ATP8A2: variants seen among roughly 807,000 people sequenced by gnomAD.
ATP8A2 encodes the protein phospholipid-transporting ATPase IB.
ATP8A2 carries 100 observed loss-of-function variants against 165.6 expected under a neutral mutation model. The ratio of observed to expected loss-of-function variants is 0.60; its 90% CI spans 0.51 to 0.71. The LOEUF (loss-of-function observed/expected upper bound fraction) is 0.71. Ranked by LOEUF, ATP8A2 falls within the 30% of genes least tolerant of loss-of-function variation. ATP8A2 has a pLI of 0.00. For missense variants in ATP8A2, 1,227 were observed against 1,479.5 expected (o/e 0.83, Z 2.80); for synonymous variants, 543 against 548.8 (o/e 0.99, Z 0.15).
At chr13:25,502,393 T>C (rs1018690445) in intron 2 of ATP8A2, among the ~76,000 whole-genome samples, 1 of 152,244 alleles carries the variant, frequency 6.6e-6, no homozygotes, top group African/African-American at 2.4e-5. Flanking sequence ...AAAATGAATT[T>C]ACTGTCAAGT....
At position 25,953,673 on chromosome 13, in the gene ATP8A2, G is replaced by A. The variant is rs967843416; in HGVS notation, c.3184-7902G>A. 6.6e-6 allele frequency among the ~76,000 whole-genome samples: 1 copy of A among 152,152 alleles called. No individual in the cohort carries two copies. The highest frequency in any genetic ancestry group is 1.5e-5 in the Non-Finnish European group (1 of 68,042). On this transcript the variant is annotated intron_variant, in intron 33 of 36. Transcript: ENST00000381655. The surrounding 1 kb of genome is among the most constrained non-coding windows in gnomAD (Gnocchi z 6.7). ...GAACCTGGTTCATCTCACTGGGACT[G>A]GTTAGATAGTGGGTGCAGCCCACGG...
chr13:26,006,806 G>A (rs1253311574), intron 35 of ATP8A2, among the ~76,000 whole-genome samples: 4 of 151,434 alleles, frequency 2.6e-5, no homozygotes, highest in East Asian at 1.9e-4. Context: ...CTATTAATGC[G>A]GTATATTATA....
At chr13:26,010,728 C>T (rs1454903559) in intron 35 of ATP8A2, among the ~76,000 whole-genome samples, 1 of 152,150 alleles carries the variant, frequency 6.6e-6, no homozygotes. Flanking sequence ...CAGCCAGACC[C>T]GGTGAGATTA....
At chr13:25,527,178 A>G (rs983209684) in intron 2 of ATP8A2, among the ~76,000 whole-genome samples, 4 of 152,130 alleles carry the variant, frequency 2.6e-5, no homozygotes, top group African/African-American at 9.7e-5. Context: ...ACCATTTTGG[A>G]ACCAGAAACC....
At chr13:25,595,845 C>T (rs929170487) in intron 24 of ATP8A2, among the ~76,000 whole-genome samples, 2 of 151,950 alleles carry the variant, frequency 1.3e-5, no homozygotes, top group Non-Finnish European at 2.9e-5. Context: ...ATGCTGCTGG[C>T]CAAGGAGAGC....
intron 25 of ATP8A2, among the ~76,000 whole-genome samples, chr13:25,706,059 T>C (rs1432434949): frequency 6.6e-6 from 1 of 152,212 alleles, no homozygotes; most frequent in Non-Finnish European, 1.5e-5. Context: ...CAAAAGGGCT[T>C]GTAGCCTTAG....
chr13:25,539,273 ATT>A (rs2038392458), intron 7 of ATP8A2, among the ~76,000 whole-genome samples: 1 of 151,808 alleles, frequency 6.6e-6, no homozygotes, highest in Non-Finnish European at 1.5e-5. Flanking sequence ...ATTTTTAAAA[ATT>A]TTTTTGTAGA....
intron 2 of ATP8A2, among the ~76,000 whole-genome samples, chr13:25,520,197 TA>T (rs1038809897): frequency 2.6e-5 from 4 of 152,358 alleles, no homozygotes; most frequent in African/African-American, 9.6e-5. Context: ...TAGCCTCTGG[TA>T]ACCACCAGTC....
At chr13:25,840,039 T>A (rs916406882) in intron 30 of ATP8A2, among the ~76,000 whole-genome samples, 3 of 152,216 alleles carry the variant, frequency 2.0e-5, no homozygotes, top group African/African-American at 7.2e-5. Flanking sequence ...CTTATAAGAT[T>A]TGAATCTTAT....
chr13:25,816,359 G>A (rs963099794), intron 27 of ATP8A2, among the ~76,000 whole-genome samples: 1 of 152,074 alleles, frequency 6.6e-6, no homozygotes, highest in Non-Finnish European at 1.5e-5. Context: ...CATTTTCCTT[G>A]TTCCAGCCAC....
intron 25 of ATP8A2, among the ~76,000 whole-genome samples, chr13:25,739,677 T>G (rs986994994): frequency 1.6e-4 from 24 of 152,194 alleles, no homozygotes; most frequent in African/African-American, 5.8e-4. Flanking sequence ...TGGTATGATG[T>G]ATCCTATTTT....
intron 10 of ATP8A2, among the ~76,000 whole-genome samples, chr13:25,545,759 T>A (rs1167257328): frequency 6.6e-6 from 1 of 152,180 alleles, no homozygotes; most frequent in Non-Finnish European, 1.5e-5. Context: ...CTCAGCCTAC[T>A]GAGTAGCTGG....
chr13:26,013,674 CAAA>C (rs752985920), intron 36 of ATP8A2, among the ~76,000 whole-genome samples: 62 of 144,332 alleles, frequency 4.3e-4, no homozygotes, highest in East Asian at 4.3e-3. Context: ...AACTTGGTCT[CAAA>C]AAAAAAAAAA....
At chr13:25,374,451 G>A (rs2032542099) in intron 1 of ATP8A2, among the ~76,000 whole-genome samples, 1 of 152,228 alleles carries the variant, frequency 6.6e-6, no homozygotes, top group South Asian at 2.1e-4. Flanking sequence ...AGATCGAGTG[G>A]TAGCTGGAGG....
intron 10 of ATP8A2, among the ~76,000 whole-genome samples, chr13:25,549,459 C>CAAAA (rs371766419): frequency 2.3e-4 from 14 of 61,402 alleles, no homozygotes; most frequent in African/African-American, 7.5e-4. Context: ...GACTCTGTCT[C>CAAAA]AAAAAAAAAA....
At chr13:25,597,228 C>T (rs2040259643) in intron 24 of ATP8A2, among the ~76,000 whole-genome samples, 1 of 152,056 alleles carries the variant, frequency 6.6e-6, no homozygotes, top group Admixed American at 6.6e-5. Flanking sequence ...TATCCATTTT[C>T]TTACCAGTGT....
At chr13:25,388,156 T>A (rs1008225370) in intron 1 of ATP8A2, among the ~76,000 whole-genome samples, 5 of 151,370 alleles carry the variant, frequency 3.3e-5, no homozygotes, top group Non-Finnish European at 7.4e-5. Flanking sequence ...TTATTTAGTG[T>A]CAGAATTAAG....
At chr13:25,968,509 G>C in intron 34 of ATP8A2, 66 bp from the exon 35 acceptor site, 1 of 1,415,410 alleles carries the variant, frequency 7.1e-7, no homozygotes, top group African/African-American at 1.4e-5. Flanking sequence ...GAGGGGAGCG[G>C]CCTGTCTTTC....
chr13:25,708,087 T>G (rs1410369574), intron 25 of ATP8A2, among the ~76,000 whole-genome samples: 1 of 152,200 alleles, frequency 6.6e-6, no homozygotes, highest in Non-Finnish European at 1.5e-5. Flanking sequence ...CATCAGTGCA[T>G]GTCATTTTTG....
Sources: gnomAD v4.1 joint callset for allele counts (sites outside exome capture counted in the v4.1 genomes callset) on GRCh38, gnomAD v4.1.1 for gene constraint, Gnocchi (gnomAD v3.1) non-coding constraint, MANE v1.5 for transcripts, NCBI Gene and HGNC (gene_info 2026-07-23, HGNC 2026-07-21) for gene names.